The following TMEM272 variants were observed in gnomAD, a reference collection of about 807,000 sequenced individuals.
TMEM272 encodes the protein transmembrane protein 272, also known as long intergenic non-protein coding RNA 282.
TMEM272 carries 8 observed loss-of-function variants against 3.7 expected under a neutral mutation model. The observed-to-expected ratio is 2.17, with a 90% confidence interval of 1.27 to 3.91. TMEM272 has a LOEUF of 3.91. TMEM272 is among the 30% of genes most tolerant of loss of function. TMEM272 has a pLI of 0.00. For synonymous variants in TMEM272, 63 were observed against 39.8 expected, an observed-to-expected ratio of 1.58 and a Z score of -2.20; for missense variants, 166 against 91.5, an observed-to-expected ratio of 1.81 and a Z score of -3.32.
chr13:51,830,957 GAATGAGGCTCACTCTTGCTTAAAGTCT>G (rs1956168516), intron 2 of TMEM272, among the ~76,000 whole-genome samples: 1 of 150,294 alleles, frequency 6.7e-6, no homozygotes, highest in Non-Finnish European at 1.5e-5. Flanking sequence ...GCTCGAGGTC[GAATGAGGCTCACTCTTGCTTAAAGTCT>G]AATGAGGCTC....
At chr13:51,918,447 T>C in the TMEM272 span, among the ~76,000 whole-genome samples, 1 of 151,556 alleles carries the variant, frequency 6.6e-6, no homozygotes, top group East Asian at 1.9e-4. Context: ...CTTCAGCAAA[T>C]AAAAAAGAGA....
At chr13:51,823,405 A>G (rs1956097223) in intron 3 of TMEM272, among the ~76,000 whole-genome samples, 1 of 152,222 alleles carries the variant, frequency 6.6e-6, no homozygotes, top group African/African-American at 2.4e-5. Context: ...AAACTGATAC[A>G]TGATTCGTTG....
At chr13:51,833,176 G>A (rs1048230629) in intron 2 of TMEM272, among the ~76,000 whole-genome samples, 5 of 152,154 alleles carry the variant, frequency 3.3e-5, no homozygotes, top group African/African-American at 1.2e-4. Context: ...ACTCAGAGTG[G>A]TTTGGGGGAG....
chr13:51,877,341 A>G, the TMEM272 span, among the ~76,000 whole-genome samples: 1 of 152,200 alleles, frequency 6.6e-6, no homozygotes, highest in Non-Finnish European at 1.5e-5. Flanking sequence ...GACAGGGCAG[A>G]GGTTCTGCCT....
chr13:51,875,232 G>A, the TMEM272 span, among the ~76,000 whole-genome samples: 2 of 152,174 alleles, frequency 1.3e-5, no homozygotes, highest in South Asian at 4.1e-4. Context: ...GGTTACAAAT[G>A]AGAAACCTGA....
intron 4 of TMEM272, among the ~76,000 whole-genome samples, chr13:51,821,078 C>T (rs760331205): frequency 2.0e-5 from 3 of 152,190 alleles, no homozygotes; most frequent in Non-Finnish European, 4.4e-5. Flanking sequence ...GCATGACCAG[C>T]GCCACTGGCC....
the TMEM272 span, chr13:51,908,739 G>A: frequency 6.9e-7 from 1 of 1,452,312 alleles, no homozygotes; most frequent in Non-Finnish European, 9.6e-7. Flanking sequence ...GCGTCTAGCA[G>A]AATTAGAATA....
the TMEM272 span, among the ~76,000 whole-genome samples, chr13:51,854,447 G>T: frequency 6.6e-6 from 1 of 152,092 alleles, no homozygotes; most frequent in South Asian, 2.1e-4. Flanking sequence ...GCAACCATTT[G>T]ATCACCTTTT....
At chr13:51,900,071 C>A in the TMEM272 span, among the ~76,000 whole-genome samples, 1 of 152,086 alleles carries the variant, frequency 6.6e-6, no homozygotes, top group African/African-American at 2.4e-5. Context: ...GGGAATAAAT[C>A]TTTATACCTT....
chr13:51,822,023 A>G (rs1566336407), intron 4 of TMEM272, 32 bp downstream of exon 4: 2 of 702,396 alleles, frequency 2.8e-6, no homozygotes, highest in Non-Finnish European at 5.2e-6. Flanking sequence ...AATTTCTACA[A>G]GGACTACAAA....
chr13:51,816,503 C>G lies in TMEM272; in HGVS notation c.*248G>C, dbSNP rs1593588197. On this transcript the variant is annotated 3_prime_UTR_variant, in exon 5 of 5. Transcript: ENST00000629372. ...ATCCCTTTGAAAACTCTTGTGAGAA[C>G]AAAATTCCCACTCTGAAAAGAGCAG... 4.8e-6 allele frequency: 2 copies of G among 415,874 alleles called. No individual in the cohort carries two copies. Among genetic ancestry groups the G allele is most frequent in the Non-Finnish European group, 8.7e-6 (2 of 230,974 alleles). 25.8% of individuals were successfully genotyped at this position (415,874 alleles called of 1,614,324 possible). A position where few individuals can be genotyped will look rare whatever the true frequency, so the allele number is the denominator to read the frequency against.
the TMEM272 span, among the ~76,000 whole-genome samples, chr13:51,854,378 C>T: frequency 1.3e-5 from 2 of 152,342 alleles, no homozygotes; most frequent in East Asian, 3.9e-4. Context: ...CGATCACTTT[C>T]CAGGTATTGA....
At chr13:51,902,506 T>C in the TMEM272 span, among the ~76,000 whole-genome samples, 318 of 152,366 alleles carry the variant, frequency 2.1e-3, 1 homozygote, top group African/African-American at 7.5e-3. Context: ...CATTTTAGAA[T>C]ATAGGTTTTA....
chr13:51,911,063 A>C, the TMEM272 span, among the ~76,000 whole-genome samples: 3 of 152,186 alleles, frequency 2.0e-5, no homozygotes, highest in African/African-American at 7.2e-5. Flanking sequence ...GGGGTCTTTC[A>C]TTATGCAGCA....
the TMEM272 span, among the ~76,000 whole-genome samples, chr13:51,888,705 G>A: frequency 8.0e-6 from 1 of 124,474 alleles, no homozygotes; most frequent in South Asian, 2.5e-4. Flanking sequence ...GAGTGCAGTG[G>A]CTCGATCTCA....
At chr13:51,901,873 T>C in the TMEM272 span, among the ~76,000 whole-genome samples, 9 of 152,216 alleles carry the variant, frequency 5.9e-5, no homozygotes, top group African/African-American at 1.9e-4. Context: ...ATTCCAAATT[T>C]GTGCAGAAAA....
upstream of TMEM272, among the ~76,000 whole-genome samples, chr13:51,847,996 G>C (rs1197862188): frequency 6.6e-6 from 1 of 152,184 alleles, no homozygotes; most frequent in Admixed American, 6.5e-5. Flanking sequence ...TTGTGGGGGA[G>C]AAAGTAGGAG....
chr13:51,896,797 G>T, the TMEM272 span, among the ~76,000 whole-genome samples: 1 of 152,194 alleles, frequency 6.6e-6, no homozygotes, highest in Non-Finnish European at 1.5e-5. Flanking sequence ...GTCTCAGTTG[G>T]TCATGTGCTC....
chr13:51,821,042 C>T (rs547552648), intron 4 of TMEM272, among the ~76,000 whole-genome samples: 33 of 152,198 alleles, frequency 2.2e-4, no homozygotes, highest in African/African-American at 7.7e-4. Context: ...ATTTTCAAGA[C>T]GTTCCTTTGA....
Sources: allele counts gnomAD v4.1 joint callset (sites outside exome capture counted in the v4.1 genomes callset), GRCh38; gene constraint gnomAD v4.1.1; transcripts MANE v1.5; gene names NCBI Gene and HGNC (gene_info 2026-07-23, HGNC 2026-07-21).